NCOA1: variants seen among roughly 807,000 people sequenced by gnomAD.
NCOA1 encodes nuclear receptor coactivator 1.
A neutral mutation model predicts 150.9 loss-of-function variants in NCOA1; 35 were observed. The observed-to-expected ratio is 0.23, with a 90% CI of 0.18 to 0.31. The LOEUF is 0.31. Among genes scored for constraint, NCOA1 ranks in the 10% least tolerant of loss-of-function variants. NCOA1 has a pLI of 1.00. For missense variants in NCOA1, 1,491 were observed against 1,749.3 expected, an observed-to-expected ratio of 0.85 and a Z score of 2.63; for synonymous variants, 590 against 630.0, an observed-to-expected ratio of 0.94 and a Z score of 0.95.
intron 3 of NCOA1, among the ~76,000 whole-genome samples, chr2:24,598,651 A>G (rs1667981193): frequency 6.6e-6 from 1 of 152,214 alleles, no homozygotes; most frequent in African/African-American, 2.4e-5. Flanking sequence ...CGTTGCATAT[A>G]CATTTTAAAT....
intron 1 of NCOA1, among the ~76,000 whole-genome samples, chr2:24,495,390 T>C (rs1663160192): frequency 6.6e-6 from 1 of 152,152 alleles, no homozygotes. Flanking sequence ...ATTTAAAAGA[T>C]AAGTAGCTTA....
At chr2:24,637,077 CT>C (rs962970779) in intron 3 of NCOA1, among the ~76,000 whole-genome samples, 24 of 150,292 alleles carry the variant, frequency 1.6e-4, no homozygotes, top group African/African-American at 5.4e-4. Context: ...TTTTTAAAAT[CT>C]TTTTTTTATT....
rs1242308603 is a variant in NCOA1 at position 24,707,450 on chromosome 2, C to T, written c.1980C>T (p.Cys660=). 1.9e-6 allele frequency: 3 copies of T among 1,614,078 alleles called. No individual in the cohort carries two copies. Among genetic ancestry groups the T allele is most frequent in the South Asian group, 1.1e-5 (1 of 91,092 alleles). The change falls in exon 13 of 23, where the codon TGC becomes TGT. Residue 660 remains cysteine, a synonymous_variant. Coordinates refer to ENST00000348332, the MANE Select transcript of NCOA1 (RefSeq NM_003743.5). ...CAAGCTGCAAAGATGTCCTGTCTTGCACAGGCACTTCCAACTCTGCCTCTG... is the reference window on the plus strand; with the variant it reads ...CAAGCTGCAAAGATGTCCTGTCTTGTACAGGCACTTCCAACTCTGCCTCTG... ...IDTSCKDVLS[C]TGTSNSASAN... is the part of the protein sequence containing the mutation.
chr2:24,533,987 C>T (rs1485481563), intron 1 of NCOA1, among the ~76,000 whole-genome samples: 2 of 152,160 alleles, frequency 1.3e-5, no homozygotes, highest in Admixed American at 1.3e-4. Context: ...CCCTCTTTTT[C>T]TGTTGATTGG....
chr2:24,589,922 A>G (rs1203419199), intron 3 of NCOA1, among the ~76,000 whole-genome samples: 2 of 152,126 alleles, frequency 1.3e-5, no homozygotes, highest in African/African-American at 2.4e-5. Context: ...GTTTGGGGCT[A>G]TAATTCATAT....
chr2:24,555,859 G>C (rs1475237739), intron 1 of NCOA1, among the ~76,000 whole-genome samples: 1 of 152,106 alleles, frequency 6.6e-6, no homozygotes, highest in Admixed American at 6.5e-5. Context: ...GTTGGATCTT[G>C]TTTTAAACAT....
intron 3 of NCOA1, among the ~76,000 whole-genome samples, chr2:24,587,287 T>C (rs1244029143): frequency 6.6e-6 from 1 of 151,878 alleles, no homozygotes; most frequent in Admixed American, 6.5e-5. Context: ...AAAGGAAGGA[T>C]TAAAAAAAAA....
At chr2:24,528,116 G>A (rs1664726529) in intron 1 of NCOA1, among the ~76,000 whole-genome samples, 2 of 152,112 alleles carry the variant, frequency 1.3e-5, no homozygotes, top group African/African-American at 4.8e-5. Context: ...CAATCCATAA[G>A]TTGCCTTTTC....
At chr2:24,522,835 A>G (rs1178599461) in intron 1 of NCOA1, among the ~76,000 whole-genome samples, 1 of 152,196 alleles carries the variant, frequency 6.6e-6, no homozygotes. Flanking sequence ...GCTTTTAAGG[A>G]TTTGAAAGAG....
chr2:24,728,401 A>G lies in NCOA1; in HGVS notation c.2811A>G (p.Val937=), dbSNP rs754140853. ...NDEKALLEQL[V]SFLSGKDETE... is the part of the protein sequence containing the mutation. ...AGAAGGCTCTTCTTGAACAGCTGGT[A>G]TCCTTCCTTAGTGGCAAAGATGAAA... is the stretch of plus-strand genomic sequence containing the variant. The change falls in exon 16 of 23, where the codon GTA becomes GTG. Residue 937 remains valine (V), a synonymous_variant. Coordinates refer to ENST00000348332, the MANE Select transcript of NCOA1 (RefSeq NM_003743.5). 3 of 1,613,762 alleles carry G rather than the reference A, an allele frequency of 1.9e-6. No homozygotes were observed. Among genetic ancestry groups the G allele is most frequent in the Non-Finnish European group, 2.5e-6 (3 of 1,179,846 alleles).
chr2:24,511,889 A>G (rs191633208), intron 1 of NCOA1, among the ~76,000 whole-genome samples: 29 of 152,242 alleles, frequency 1.9e-4, no homozygotes, highest in Admixed American at 1.8e-3. Flanking sequence ...TCTATATGGT[A>G]TGAGTTAGAT....
intron 11 of NCOA1, among the ~76,000 whole-genome samples, chr2:24,701,680 A>C (rs546193980): frequency 9.2e-5 from 14 of 152,192 alleles, no homozygotes; most frequent in Non-Finnish European, 1.9e-4. Context: ...CTCTCTATTA[A>C]CTTTATATTA....
At position 24,707,824 on chromosome 2, in the gene NCOA1, A is replaced by G. The variant is rs1175058974; in HGVS notation, c.2354A>G (p.Asn785Ser). Residue 785 changes from asparagine to serine, a missense_variant, in exon 13 of 23, where the codon AAT (asparagine) becomes AGT (serine). Asn to Ser is a conservative substitution (Grantham distance 46, BLOSUM62 1). Coordinates refer to ENST00000348332, the MANE Select transcript of NCOA1 (RefSeq NM_003743.5). ...AAGAAAGAACAGATGGATCCATGTA[A>G]TACAAACCCAACCCCAATGACCAAA... ...VEKKEQMDPC[N>S]TNPTPMTKPT... The G allele has an allele frequency of 6.2e-7, 1 of 1,613,868 alleles. No individual in the cohort carries two copies. Among genetic ancestry groups the G allele is most frequent in the Admixed American group, 1.7e-5 (1 of 59,962 alleles).
At chr2:24,708,869 C>G (rs144522288) in intron 13 of NCOA1, among the ~76,000 whole-genome samples, 1 of 152,338 alleles carries the variant, frequency 6.6e-6, no homozygotes, top group African/African-American at 2.4e-5. Context: ...CATGTCTCTT[C>G]TAAACATATT....
intron 1 of NCOA1, among the ~76,000 whole-genome samples, chr2:24,503,733 G>GTTT (rs72387328): frequency 3.9e-4 from 51 of 132,084 alleles, no homozygotes; most frequent in Admixed American, 6.8e-4. Flanking sequence ...ACTTGTCTCT[G>GTTT]TTTTTTTTTT....
Position 24,741,797 on chromosome 2 carries a change from C to T in NCOA1, c.3317C>T (p.Ala1106Val). The T allele has an allele frequency of 1.2e-6, 2 of 1,612,918 alleles. No individual in the cohort carries two copies. The highest frequency in any genetic ancestry group is 1.7e-6 in the Non-Finnish European group (2 of 1,179,332). Reference sequence around the variant, plus strand: ...CCTGCTTTTCAGCCACCCCTGAATGCTCAAATGTTGGCACAACGTCAGCGG... The same window carrying T: ...CCTGCTTTTCAGCCACCCCTGAATGTTCAAATGTTGGCACAACGTCAGCGG... ...QQITPQPPLN[A>V]QMLAQRQREL... Residue 1106 changes from alanine (A) to valine (V), a missense_variant, in exon 19 of 23, where the codon GCT becomes GTT. By Grantham distance (64) the Ala-to-Val change is moderately conservative. Around this residue, in one of 8 missense-constraint regions of NCOA1, gnomAD observed 485 missense variants for 522.8 expected, o/e 0.93. Transcript: ENST00000348332.
At chr2:24,698,515 C>T (rs1262095578) in intron 11 of NCOA1, among the ~76,000 whole-genome samples, 2 of 152,096 alleles carry the variant, frequency 1.3e-5, no homozygotes, top group Admixed American at 6.6e-5. Flanking sequence ...CCTTAAGAAA[C>T]TTAACAGTAC....
intron 2 of NCOA1, among the ~76,000 whole-genome samples, chr2:24,566,867 C>T (rs1424959014): frequency 1.3e-5 from 2 of 152,248 alleles, no homozygotes; most frequent in East Asian, 3.8e-4. Context: ...AGAGACCAGG[C>T]AGTGGGAGTA....
chr2:24,565,624 C>G (rs1442737604), intron 2 of NCOA1, among the ~76,000 whole-genome samples: 1 of 152,194 alleles, frequency 6.6e-6, no homozygotes, highest in African/African-American at 2.4e-5. Flanking sequence ...GGCGCCTTTG[C>G]CTGAGTTTTG....
Sources: gnomAD v4.1 joint callset for allele counts (sites outside exome capture counted in the v4.1 genomes callset) on GRCh38, gnomAD v4.1.1 for gene constraint, gnomAD v4.1.1 regional missense constraint, MANE v1.5 for transcripts, NCBI Gene and HGNC (gene_info 2026-07-23, HGNC 2026-07-21) for gene names.